PTK2: variants seen among roughly 807,000 people sequenced by gnomAD.
PTK2 encodes the protein protein tyrosine kinase 2, also known as focal adhesion kinase 1.
Under a neutral mutation model 150.1 loss-of-function variants are expected in PTK2, and 45 were observed. That is an observed-to-expected ratio of 0.30 (90% CI 0.24 to 0.38). The LOEUF (loss-of-function observed/expected upper bound fraction) is 0.38. Ranked by LOEUF, PTK2 falls within the 10% of genes least tolerant of loss-of-function variation. The pLI, the probability that PTK2 is intolerant of heterozygous loss-of-function variation, is 1.00. For missense variants in PTK2, 919 were observed against 1,307.3 expected (o/e 0.70, Z 4.58); for synonymous variants, 432 against 449.2 (o/e 0.96, Z 0.48).
intron 26 of PTK2, among the ~76,000 whole-genome samples, chr8:140,695,412 A>ATT (rs200068174): frequency 8.8e-5 from 12 of 136,548 alleles, no homozygotes; most frequent in Non-Finnish European, 9.6e-5. Flanking sequence ...AGGTGGTCCT[A>ATT]TTTTTTTTTT....
chr8:140,777,345 C>G (rs1210731765), intron 14 of PTK2, among the ~76,000 whole-genome samples: 1 of 152,084 alleles, frequency 6.6e-6, no homozygotes, highest in African/African-American at 2.4e-5. Context: ...AAAGCAAGAG[C>G]AAGGGGTGGG....
At chr8:140,669,400 G>A (rs896893844) in intron 29 of PTK2, 8 of 220,804 alleles carry the variant, frequency 3.6e-5, no homozygotes, top group Non-Finnish European at 4.4e-5. Context: ...CCTGATGCCA[G>A]TGCTCAGTCT....
chr8:140,846,517 G>T (rs2154604319), intron 6 of PTK2, 82 bp downstream of exon 6: 2 of 1,267,184 alleles, frequency 1.6e-6, no homozygotes, highest in Middle Eastern at 4.3e-4. Flanking sequence ...TCCTTATGAA[G>T]AAAAGGAAAA....
chr8:140,772,127 T>C (rs2100075855), intron 14 of PTK2, among the ~76,000 whole-genome samples: 1 of 152,128 alleles, frequency 6.6e-6, no homozygotes, highest in Non-Finnish European at 1.5e-5. Context: ...ATCTTATTGC[T>C]TGACTTAAAA....
chr8:140,729,263 C>T (rs2100047783), intron 22 of PTK2, among the ~76,000 whole-genome samples: 1 of 152,092 alleles, frequency 6.6e-6, no homozygotes, highest in Admixed American at 6.5e-5. Flanking sequence ...AACAAAAACT[C>T]CAAACAAAAA....
intron 1 of PTK2, among the ~76,000 whole-genome samples, chr8:140,999,090 T>G (rs1452685811): frequency 6.6e-6 from 1 of 152,208 alleles, no homozygotes; most frequent in East Asian, 1.9e-4. Flanking sequence ...CCTCAAATAA[T>G]AAGGCTTTTT....
intron 26 of PTK2, among the ~76,000 whole-genome samples, chr8:140,696,458 C>G (rs1208858562): frequency 6.6e-6 from 1 of 152,142 alleles, no homozygotes; most frequent in Non-Finnish European, 1.5e-5. Flanking sequence ...CAGTAAGGTT[C>G]TCTGGCACCT....
chr8:140,917,968 A>C (rs2100165959), intron 2 of PTK2, among the ~76,000 whole-genome samples: 1 of 152,226 alleles, frequency 6.6e-6, no homozygotes, highest in African/African-American at 2.4e-5. Flanking sequence ...TTCTACTCTT[A>C]GGTATTTTTC....
rs552437358 is a variant in PTK2, at chr8:140,743,342, G to A, written c.1635-12C>T. 2 of 1,599,938 alleles carry A rather than the reference G, an allele frequency of 1.3e-6. No individual in the cohort carries two copies. The highest frequency in any genetic ancestry group is 3.4e-5 in the Admixed American group (2 of 59,626). ...GAGCAGCAATGTCCCTGATAAAGAA[G>A]AATTTGAGACAATAAGACTTAAAAT... On this transcript the variant is annotated splice_polypyrimidine_tract_variant and intron_variant, in intron 19 of 31. Coordinates refer to ENST00000522684, the Ensembl canonical transcript of PTK2.
At chr8:140,900,133 C>A (rs1311829728) in intron 2 of PTK2, among the ~76,000 whole-genome samples, 1 of 151,912 alleles carries the variant, frequency 6.6e-6, no homozygotes, top group Non-Finnish European at 1.5e-5. Context: ...AAAAGGCACC[C>A]GAATCGACAA....
At chr8:140,960,028 A>G (rs1183454991) in intron 1 of PTK2, among the ~76,000 whole-genome samples, 1 of 151,794 alleles carries the variant, frequency 6.6e-6, no homozygotes, top group Non-Finnish European at 1.5e-5. Flanking sequence ...AAGAAAAAAA[A>G]AAAAATCCAA....
chr8:140,930,028 C>G (rs2100171140), intron 1 of PTK2, among the ~76,000 whole-genome samples: 1 of 152,118 alleles, frequency 6.6e-6, no homozygotes, highest in Admixed American at 6.5e-5. Flanking sequence ...GACAAGCAAA[C>G]AAATCTGAGT....
intron 8 of PTK2, among the ~76,000 whole-genome samples, chr8:140,819,698 C>T (rs1305627269): frequency 6.6e-6 from 1 of 152,190 alleles, no homozygotes; most frequent in African/African-American, 2.4e-5. Context: ...GTACAGATGC[C>T]TTTAAAAGGC....
intron 1 of PTK2, among the ~76,000 whole-genome samples, chr8:140,992,829 CAA>C (rs1399049896): frequency 6.6e-6 from 1 of 152,198 alleles, no homozygotes; most frequent in African/African-American, 2.4e-5. Context: ...AGCACAGCAG[CAA>C]AAGACTCTGA....
At chr8:140,876,209 C>T (rs1192387548) in intron 4 of PTK2, among the ~76,000 whole-genome samples, 3 of 152,142 alleles carry the variant, frequency 2.0e-5, no homozygotes, top group South Asian at 2.1e-4. Flanking sequence ...ATCTTGCATC[C>T]GAGACCCTCC....
intron 16 of PTK2, among the ~76,000 whole-genome samples, chr8:140,754,896 G>A (rs2100064774): frequency 6.6e-6 from 1 of 152,108 alleles, no homozygotes; most frequent in Admixed American, 6.5e-5. Flanking sequence ...TGTGCAAAGG[G>A]TTTTTTCTAA....
At chr8:140,999,749 T>C (rs1247786528) in intron 1 of PTK2, among the ~76,000 whole-genome samples, 1 of 152,126 alleles carries the variant, frequency 6.6e-6, no homozygotes, top group Non-Finnish European at 1.5e-5. Flanking sequence ...CCAAATAAAA[T>C]ATTAAGGTTG....
At chr8:140,668,498 G>T in intron 29 of PTK2, 74 bp from the exon 34 acceptor site, 1 of 1,496,026 alleles carries the variant, frequency 6.7e-7, no homozygotes, top group Non-Finnish European at 9.0e-7. Flanking sequence ...AAGCTAGAGA[G>T]GGTCTTTACA....
At chr8:140,711,348 C>G (rs1341633422) in intron 23 of PTK2, among the ~76,000 whole-genome samples, 2 of 152,192 alleles carry the variant, frequency 1.3e-5, no homozygotes, top group Non-Finnish European at 2.9e-5. Context: ...CTCAAGTGAT[C>G]AGCTCATCTT....
Sources: allele counts gnomAD v4.1 joint callset (sites outside exome capture counted in the v4.1 genomes callset), GRCh38; gene constraint gnomAD v4.1.1; transcripts MANE v1.5; gene names NCBI Gene and HGNC (gene_info 2026-07-23, HGNC 2026-07-21).